UMAD1: variants seen among roughly 807,000 people sequenced by gnomAD.
UMAD1 encodes UBAP1-MVB12-associated (UMA) domain containing 1.
UMAD1 carries 8 observed loss-of-function variants against 6.1 expected under a neutral mutation model. The observed-to-expected ratio is 1.30, with a 90% CI of 0.76 to 2.35. UMAD1 has a LOEUF of 2.35. Ranked by LOEUF, UMAD1 falls within the 30% of genes most tolerant of loss-of-function variation. The pLI, the probability that UMAD1 is intolerant of heterozygous loss-of-function variation, is 0.00. For missense variants in UMAD1, 130 were observed against 78.4 expected (o/e 1.66, Z -2.49); for synonymous variants, 56 against 31.4 (o/e 1.78, Z -2.61).
intron 2 of UMAD1, among the ~76,000 whole-genome samples, chr7:7,771,541 A>G (rs1433889361): frequency 6.6e-6 from 1 of 152,210 alleles, no homozygotes; most frequent in South Asian, 2.1e-4. Context: ...GGGGGTTCAC[A>G]GATCTGAACA....
chr7:7,707,621 G>T (rs1780638645), intron 2 of UMAD1, among the ~76,000 whole-genome samples: 1 of 152,072 alleles, frequency 6.6e-6, no homozygotes, highest in Non-Finnish European at 1.5e-5. Flanking sequence ...AATAATAAAA[G>T]ACTAAATGAT....
At chr7:7,710,381 A>G (rs1321505528) in intron 2 of UMAD1, among the ~76,000 whole-genome samples, 4 of 152,190 alleles carry the variant, frequency 2.6e-5, no homozygotes, top group African/African-American at 9.6e-5. Context: ...ACAAAAAAAC[A>G]TAAAACCAAA....
chr7:7,717,008 T>A (rs773323812), intron 2 of UMAD1, among the ~76,000 whole-genome samples: 11 of 152,076 alleles, frequency 7.2e-5, no homozygotes, highest in Middle Eastern at 3.4e-3. Flanking sequence ...CCCCTTCCTC[T>A]GCACGAGGGA....
chr7:7,692,899 G>C (rs986518620), intron 2 of UMAD1, among the ~76,000 whole-genome samples: 1 of 152,160 alleles, frequency 6.6e-6, no homozygotes. Context: ...GAGCCACCGT[G>C]CCTGGCCAAA....
At chr7:7,844,129 A>G (rs1476269937) in intron 3 of UMAD1, among the ~76,000 whole-genome samples, 1 of 152,142 alleles carries the variant, frequency 6.6e-6, no homozygotes, top group Non-Finnish European at 1.5e-5. Context: ...TATTTTGAGG[A>G]CCACTCTGGT....
At chr7:7,833,490 C>T (rs904494327) in intron 3 of UMAD1, among the ~76,000 whole-genome samples, 3 of 152,094 alleles carry the variant, frequency 2.0e-5, no homozygotes, top group Non-Finnish European at 4.4e-5. Flanking sequence ...AAAGGTGCTT[C>T]TGTCTGCAGA....
At chr7:7,793,320 A>G (rs772106652) in intron 2 of UMAD1, among the ~76,000 whole-genome samples, 2 of 152,198 alleles carry the variant, frequency 1.3e-5, no homozygotes, top group Non-Finnish European at 2.9e-5. Context: ...TCAGATTTCA[A>G]ATCCATTCTC....
At chr7:7,760,123 A>C (rs958572136) in intron 2 of UMAD1, among the ~76,000 whole-genome samples, 1 of 152,110 alleles carries the variant, frequency 6.6e-6, no homozygotes, top group Non-Finnish European at 1.5e-5. Flanking sequence ...AAGAAGTCCA[A>C]CCAGCTTGAG....
At chr7:7,646,726 T>C (rs138122481) in intron 1 of UMAD1, among the ~76,000 whole-genome samples, 2 of 152,146 alleles carry the variant, frequency 1.3e-5, no homozygotes, top group Non-Finnish European at 2.9e-5. Flanking sequence ...GGAGTTCGGC[T>C]GTCCCATGGC....
chr7:7,653,547 G>C (rs928176635), intron 1 of UMAD1, among the ~76,000 whole-genome samples: 1 of 152,188 alleles, frequency 6.6e-6, no homozygotes, highest in African/African-American at 2.4e-5. Context: ...TGACTGAAGT[G>C]CATCACGCAC....
intron 2 of UMAD1, among the ~76,000 whole-genome samples, chr7:7,760,454 T>TAA (rs59290442): frequency 6.7e-6 from 1 of 148,916 alleles, no homozygotes; most frequent in South Asian, 2.1e-4. Flanking sequence ...ATAATAATAA[T>TAA]TGTCTTGAGT....
At position 7,832,344 on chromosome 7, in the gene UMAD1, A is replaced by G. The variant is rs372374923; in HGVS notation, c.156+30601A>G. 5.9e-5 allele frequency among the ~76,000 whole-genome samples: 9 copies of G among 152,012 alleles called. No individual in the cohort carries two copies. In the East Asian group the frequency reaches 1.7e-3, roughly 29 times the overall value. ...TCTTTTGGAATTTTTTTTTCCCTTG[A>G]AAATTCCATTTCCTTTCTGTCTTCA... On this transcript the variant is annotated intron_variant, in intron 3 of 3. Coordinates refer to ENST00000682710, the MANE Select transcript of UMAD1 (RefSeq NM_001302348.2).
intron 2 of UMAD1, among the ~76,000 whole-genome samples, chr7:7,776,996 C>T (rs1469782224): frequency 6.6e-6 from 1 of 152,198 alleles, no homozygotes; most frequent in Non-Finnish European, 1.5e-5. Context: ...TTTTTACCCT[C>T]CTCCATGCTT....
chr7:7,650,957 A>AG (rs1207310402), intron 1 of UMAD1, among the ~76,000 whole-genome samples: 2 of 152,192 alleles, frequency 1.3e-5, no homozygotes, highest in East Asian at 3.9e-4. Flanking sequence ...TGTACTCAGG[A>AG]ACCAGCAGAA....
At chr7:7,807,237 A>G (rs186152174) in intron 3 of UMAD1, among the ~76,000 whole-genome samples, 1 of 152,306 alleles carries the variant, frequency 6.6e-6, no homozygotes, top group East Asian at 1.9e-4. Flanking sequence ...GGGAGTCAAA[A>G]AAGGCATCAT....
intron 1 of UMAD1, among the ~76,000 whole-genome samples, chr7:7,650,487 T>A (rs2115549762): frequency 6.6e-6 from 1 of 152,310 alleles, no homozygotes; most frequent in South Asian, 2.1e-4. Context: ...GATTTTGCTG[T>A]AGGCTTACAT....
At chr7:7,760,064 C>T (rs896543284) in intron 2 of UMAD1, among the ~76,000 whole-genome samples, 3 of 152,130 alleles carry the variant, frequency 2.0e-5, no homozygotes, top group Non-Finnish European at 4.4e-5. Flanking sequence ...CATGTGACTT[C>T]TGCTTTGTTT....
intron 2 of UMAD1, among the ~76,000 whole-genome samples, chr7:7,740,271 G>C (rs923612179): frequency 7.2e-5 from 11 of 152,116 alleles, no homozygotes; most frequent in African/African-American, 2.4e-4. Flanking sequence ...CCTATAAAAT[G>C]TTTACAAGCA....
rs1245144246 is a variant in UMAD1 at position 7,857,614 on chromosome 7, T to C, written c.157-19667T>C. Among the ~76,000 whole-genome samples the C allele has an allele frequency of 3.9e-5, 6 of 152,208 alleles. No homozygotes were observed. In the East Asian group the frequency reaches 1.2e-3, roughly 29 times the overall value. On this transcript the variant is annotated intron_variant, in intron 3 of 3. Transcript: ENST00000682710. ...TTCTTAAATTTCACTGGAATACATTTAGGTAAGGTAAACAGTTATTTTTAA... is the reference window on the plus strand; with the variant it reads ...TTCTTAAATTTCACTGGAATACATTCAGGTAAGGTAAACAGTTATTTTTAA...
Sources: allele counts gnomAD v4.1 joint callset (sites outside exome capture counted in the v4.1 genomes callset), GRCh38; gene constraint gnomAD v4.1.1; transcripts MANE v1.5; gene names NCBI Gene and HGNC (gene_info 2026-07-23, HGNC 2026-07-21).